Variants in IMPG1 observed in about 807,000 individuals in gnomAD.
IMPG1 encodes interphotoreceptor matrix proteoglycan of 150 kDa.
Under a neutral mutation model 92.0 loss-of-function variants are expected in IMPG1, and 85 were observed. The observed-to-expected ratio is 0.92, with a 90% CI of 0.78 to 1.11. The LOEUF is 1.11. IMPG1 is among the 50% of genes least tolerant of loss of function. The pLI is 0.00. For synonymous variants in IMPG1, 367 were observed against 334.1 expected, an observed-to-expected ratio of 1.10 and a Z score of -1.08; for missense variants, 1,022 against 956.0, an observed-to-expected ratio of 1.07 and a Z score of -0.91.
intron 14 of IMPG1, among the ~76,000 whole-genome samples, chr6:75,942,540 G>C (rs1424722902): frequency 2.0e-5 from 3 of 152,158 alleles, no homozygotes; most frequent in Non-Finnish European, 4.4e-5. Flanking sequence ...TGGAATTTGA[G>C]TCCTTCTTTT....
chr6:75,927,715 TTCCC>T (rs528610174), intron 15 of IMPG1, among the ~76,000 whole-genome samples: 64 of 150,646 alleles, frequency 4.2e-4, no homozygotes, highest in Non-Finnish European at 5.5e-4. Flanking sequence ...TTAAGCATCT[TTCCC>T]TCCCTCCCTC....
intron 1 of IMPG1, among the ~76,000 whole-genome samples, chr6:76,057,714 G>A (rs529723949): frequency 1.3e-4 from 20 of 152,076 alleles, no homozygotes; most frequent in Non-Finnish European, 2.5e-4. Context: ...CATAGGTGGG[G>A]GGGTGGCTAA....
chr6:75,935,020 T>TG (rs1309789769), intron 14 of IMPG1: 1 of 470,848 alleles, frequency 2.1e-6, no homozygotes, highest in Non-Finnish European at 4.4e-6. Flanking sequence ...TCACCTGGGC[T>TG]GGCTGGGCTG....
At chr6:75,948,657 T>G (rs1562344470) in intron 13 of IMPG1, among the ~76,000 whole-genome samples, 1 of 152,204 alleles carries the variant, frequency 6.6e-6, no homozygotes, top group Non-Finnish European at 1.5e-5. Flanking sequence ...TGCTTTGGCC[T>G]GGGGTAGAGA....
In IMPG1 at chr6:76,050,470, G is replaced by A. The variant is rs192629492; in HGVS notation, c.68-8344C>T. Among the ~76,000 whole-genome samples, 379 of 152,160 alleles carry A rather than the reference G, an allele frequency of 2.5e-3. 1 individual carries two copies. The highest frequency in any genetic ancestry group is 4.4e-3 in the Non-Finnish European group (299 of 67,984). Reference sequence around the variant, plus strand: ...AAAAAATTAGGTTTGGATCACCTAAGCATGTTTATTAGCTACTGTGAAAGC... The same window carrying A: ...AAAAAATTAGGTTTGGATCACCTAAACATGTTTATTAGCTACTGTGAAAGC... On this transcript the variant is annotated intron_variant, in intron 1 of 16. Coordinates refer to ENST00000369950, the MANE Select transcript of IMPG1 (RefSeq NM_001563.4).
rs184665127 is a variant in IMPG1, at chr6:75,959,758, G to C, written c.1292-8664C>G. On this transcript the variant is annotated intron_variant, in intron 12 of 16. Coordinates refer to ENST00000369950, the MANE Select transcript of IMPG1 (RefSeq NM_001563.4). Reference sequence around the variant, plus strand: ...CAGTTCAACTTCAGACTGCTGTGCTGGCAGTGAGAATTTCAAGCCAGTGGA... The same window carrying C: ...CAGTTCAACTTCAGACTGCTGTGCTCGCAGTGAGAATTTCAAGCCAGTGGA... Among the ~76,000 whole-genome samples, 629 of 152,298 alleles carry C rather than the reference G, an allele frequency of 4.1e-3. 4 individuals are homozygous for C. Among genetic ancestry groups the C allele is most frequent in the Non-Finnish European group, 7.5e-3 (509 of 68,032 alleles).
At chr6:76,068,852 T>A (rs1239410079) in intron 1 of IMPG1, among the ~76,000 whole-genome samples, 1 of 151,954 alleles carries the variant, frequency 6.6e-6, no homozygotes, top group Non-Finnish European at 1.5e-5. Flanking sequence ...CCGAATTCAA[T>A]GCAATCCTAT....
intron 1 of IMPG1, among the ~76,000 whole-genome samples, chr6:76,071,302 A>C (rs1204080960): frequency 4.6e-5 from 7 of 150,624 alleles, no homozygotes; most frequent in African/African-American, 1.7e-4. Context: ...GAATTGCTTG[A>C]TCAAGTCTAC....
At chr6:75,937,048 T>C (rs976532866) in intron 14 of IMPG1, among the ~76,000 whole-genome samples, 3 of 152,094 alleles carry the variant, frequency 2.0e-5, no homozygotes, top group Non-Finnish European at 2.9e-5. Flanking sequence ...AAATCTGCAG[T>C]GCTGCGTGTC....
At chr6:76,015,524 G>C (rs1482691661) in intron 7 of IMPG1, among the ~76,000 whole-genome samples, 1 of 151,602 alleles carries the variant, frequency 6.6e-6, no homozygotes, top group Admixed American at 6.6e-5. Context: ...CATTTGGCTG[G>C]GTGCGGTAGC....
At position 75,998,033 on chromosome 6, in the gene IMPG1, C is replaced by G. The variant is rs181307126; in HGVS notation, c.1291+4885G>C. ...GTCATCAAGCTGCAAGAATGGAAGA[C>G]TATTACAGGCACAAGAAAAAATAAC... is the stretch of plus-strand genomic sequence containing the variant. On this transcript the variant is annotated intron_variant, in intron 12 of 16. Coordinates refer to ENST00000369950, the MANE Select transcript of IMPG1 (RefSeq NM_001563.4). 2.6e-5 allele frequency among the ~76,000 whole-genome samples: 4 copies of G among 152,194 alleles called. No individual in the cohort carries two copies. The East Asian group carries it at 7.7e-4, about 29-fold the overall frequency.
At chr6:76,044,141 C>G (rs1783892136) in intron 1 of IMPG1, among the ~76,000 whole-genome samples, 1 of 152,186 alleles carries the variant, frequency 6.6e-6, no homozygotes, top group African/African-American at 2.4e-5. Context: ...CCCATTCAAT[C>G]TAGGGGCAAA....
intron 12 of IMPG1, among the ~76,000 whole-genome samples, chr6:75,981,179 A>G (rs1048947829): frequency 6.6e-6 from 1 of 152,206 alleles, no homozygotes; most frequent in African/African-American, 2.4e-5. Context: ...TTCATTATAG[A>G]TAGTCTGCTG....
At chr6:76,022,703 C>A (rs1268081596) in intron 5 of IMPG1, among the ~76,000 whole-genome samples, 1 of 152,120 alleles carries the variant, frequency 6.6e-6, no homozygotes, top group Admixed American at 6.5e-5. Flanking sequence ...GAACAGATCA[C>A]CATAAACCAT....
chr6:76,065,354 G>A (rs879498945), intron 1 of IMPG1, among the ~76,000 whole-genome samples: 1 of 151,892 alleles, frequency 6.6e-6, no homozygotes, highest in Non-Finnish European at 1.5e-5. Flanking sequence ...AACAATTCAA[G>A]AAGAAATTTA....
Position 75,923,046 on chromosome 6 carries a change from T to C in IMPG1, c.2316+588A>G, listed in dbSNP as rs181911984. Among the ~76,000 whole-genome samples the C allele has an allele frequency of 2.7e-3, 409 of 152,228 alleles. 2 individuals carry two copies. The highest frequency in any genetic ancestry group is 3.4e-3 in the Middle Eastern group (1 of 294). ...TCCAAGGTTTTTTCCCCCAAAGTTA[T>C]TTTAAAAAACTATGTCAACTATATA... On this transcript the variant is annotated intron_variant, in intron 16 of 16. Transcript: ENST00000369950.
chr6:76,005,626 G>A, intron 9 of IMPG1, 92 bp from the exon 10 acceptor site: 2 of 1,329,812 alleles, frequency 1.5e-6, no homozygotes, highest in Admixed American at 2.0e-5. Context: ...CTTCAGGATA[G>A]CTTCCACCTC....
intron 14 of IMPG1, among the ~76,000 whole-genome samples, chr6:75,942,174 G>C (rs1781845631): frequency 6.6e-6 from 1 of 152,200 alleles, no homozygotes; most frequent in Non-Finnish European, 1.5e-5. Context: ...ATAGATTCTT[G>C]AGATTCTCTC....
chr6:76,029,083 T>C (rs1253310002), intron 4 of IMPG1, among the ~76,000 whole-genome samples: 1 of 152,222 alleles, frequency 6.6e-6, no homozygotes, highest in Non-Finnish European at 1.5e-5. Context: ...ACAGAACTAA[T>C]AAAACTCAGT....
Sources: gnomAD v4.1 joint callset for allele counts (sites outside exome capture counted in the v4.1 genomes callset) on GRCh38, gnomAD v4.1.1 for gene constraint, MANE v1.5 for transcripts, NCBI Gene and HGNC (gene_info 2026-07-23, HGNC 2026-07-21) for gene names.